The following PDXDC1 variants were observed in gnomAD, a reference collection of about 807,000 sequenced individuals.
The protein encoded by PDXDC1 is pyridoxal-dependent decarboxylase domain-containing protein 1.
PDXDC1 carries 42 observed loss-of-function variants against 100.1 expected under a neutral mutation model. That is an observed-to-expected ratio of 0.42 (90% CI 0.33 to 0.54). PDXDC1 has a LOEUF of 0.54. PDXDC1 is among the 20% of genes least tolerant of loss of function. The probability of loss-of-function intolerance (pLI) is 0.10; values close to 1 mark genes in which losing one functional copy is unlikely to be tolerated. For synonymous variants in PDXDC1, 260 were observed against 371.7 expected (o/e 0.70, Z 3.46); for missense variants, 636 against 979.2 (o/e 0.65, Z 4.68).
In PDXDC1 at chr16:15,033,380, A is replaced by T; in HGVS notation, c.1793A>T (p.Glu598Val). ...LVETIAATAR[E>V]IEENSRLLEN... ...GAGACCATTGCGGCCACAGCCCGGG[A>T]GATAGAGGAGAACTCGAGGGTCCGT... Residue 598 changes from glutamate (E) to valine (V), a missense_variant, in exon 19 of 23, where the codon GAG becomes GTG. Glu to Val is a moderately radical substitution (Grantham distance 121, BLOSUM62 -2). Transcript: ENST00000396410. 1 of 1,614,112 alleles carries T rather than the reference A, an allele frequency of 6.2e-7. No homozygotes were observed. The highest frequency in any genetic ancestry group is 8.5e-7 in the Non-Finnish European group (1 of 1,180,002).
intron 16 of PDXDC1, among the ~76,000 whole-genome samples, chr16:15,096,229 C>T (rs1371388253): frequency 6.6e-6 from 1 of 152,028 alleles, no homozygotes; most frequent in Admixed American, 6.6e-5. Context: ...GTGCCTCAGC[C>T]TCCCCAGTAG....
At chr16:15,148,576 G>T in the PDXDC1 span, among the ~76,000 whole-genome samples, 1 of 150,654 alleles carries the variant, frequency 6.6e-6, no homozygotes. Flanking sequence ...AGAGACCGGG[G>T]TCTCACCCTG....
At chr16:14,993,607 G>C (rs1420460112) in intron 1 of PDXDC1, among the ~76,000 whole-genome samples, 1 of 152,298 alleles carries the variant, frequency 6.6e-6, no homozygotes, top group Non-Finnish European at 1.5e-5. Context: ...AAACATACGT[G>C]TGCATGTGTC....
At chr16:15,072,978 A>G (rs1310493405) in intron 16 of PDXDC1, 6 of 1,613,668 alleles carry the variant, frequency 3.7e-6, no homozygotes, top group Non-Finnish European at 5.1e-6. Flanking sequence ...GTAAAACATG[A>G]AAAACTGTAC....
chr16:14,978,935 C>G (rs936281957), intron 1 of PDXDC1, among the ~76,000 whole-genome samples: 2 of 152,286 alleles, frequency 1.3e-5, no homozygotes, highest in African/African-American at 2.4e-5. Flanking sequence ...AGCAGTGTCC[C>G]AGACCTCTGC....
At chr16:15,128,792 G>A (rs2047899426) in intron 16 of PDXDC1, among the ~76,000 whole-genome samples, 1 of 151,566 alleles carries the variant, frequency 6.6e-6, no homozygotes, top group Non-Finnish European at 1.5e-5. Context: ...CCCAGTGACA[G>A]ACCCAGGTGA....
chr16:15,065,242 G>T (rs773491232), intron 16 of PDXDC1: 2 of 1,613,700 alleles, frequency 1.2e-6, no homozygotes, highest in Non-Finnish European at 1.7e-6. Flanking sequence ...AGGGATCAAA[G>T]GGGAAGAAGG....
chr16:15,083,235 C>T (rs188925109), intron 16 of PDXDC1, among the ~76,000 whole-genome samples: 3 of 152,230 alleles, frequency 2.0e-5, no homozygotes, highest in African/African-American at 7.2e-5. Context: ...CTTGTCTCTA[C>T]TAAAAATACA....
intron 16 of PDXDC1, among the ~76,000 whole-genome samples, chr16:15,078,894 C>T (rs527760862): frequency 6.6e-6 from 1 of 150,688 alleles, no homozygotes; most frequent in South Asian, 2.1e-4. Context: ...TCACTGCAAG[C>T]TCCACCTCCC....
intron 16 of PDXDC1, among the ~76,000 whole-genome samples, chr16:15,043,879 C>CA (rs1439908977): frequency 6.6e-6 from 1 of 151,660 alleles, no homozygotes; most frequent in Non-Finnish European, 1.5e-5. Flanking sequence ...ACCCAGGAGG[C>CA]AGAGCTTGCA....
At chr16:15,041,311 G>C (rs2043804920), downstream of PDXDC1, among the ~76,000 whole-genome samples, 2 of 152,084 alleles carry the variant, frequency 1.3e-5, no homozygotes, top group African/African-American at 4.8e-5. Context: ...GAACAAACTG[G>C]CAGCTGCAGA....
rs888205418 is a variant in PDXDC1, at chr16:15,033,410, C to T, written c.1812+11C>T. On this transcript the variant is annotated intron_variant, in intron 19 of 22. Coordinates refer to ENST00000396410, the MANE Select transcript of PDXDC1 (RefSeq NM_015027.4). The stretch of plus-strand genomic sequence containing the variant: ...GAGGAGAACTCGAGGGTCCGTAGCA[C>T]CCATCAGTGTTCATTCCTCTTCTGA... The T allele has an allele frequency of 1.2e-6, 2 of 1,613,446 alleles. No homozygotes were observed. Among genetic ancestry groups the T allele is most frequent in the African/African-American group, 2.7e-5 (2 of 74,924 alleles).
chr16:15,065,618 T>C (rs187411167), intron 16 of PDXDC1, among the ~76,000 whole-genome samples: 2 of 152,346 alleles, frequency 1.3e-5, no homozygotes, highest in African/African-American at 4.8e-5. Flanking sequence ...ACTGGGCTTA[T>C]ATTTTAATGA....
intron 16 of PDXDC1, chr16:15,131,617 T>C (rs1462308785): frequency 3.7e-6 from 6 of 1,600,662 alleles, no homozygotes; most frequent in Non-Finnish European, 5.1e-6. Flanking sequence ...GTTGTAGGCC[T>C]GGGACGCCAC....
At chr16:15,096,535 C>T (rs533010417) in intron 16 of PDXDC1, among the ~76,000 whole-genome samples, 21 of 152,314 alleles carry the variant, frequency 1.4e-4, no homozygotes, top group African/African-American at 5.1e-4. Context: ...TCATCTGTGT[C>T]TCAAGGACAG....
intron 3 of PDXDC1, among the ~76,000 whole-genome samples, chr16:14,999,936 T>C (rs1420029301): frequency 6.6e-6 from 1 of 152,222 alleles, no homozygotes; most frequent in Non-Finnish European, 1.5e-5. Flanking sequence ...GACTTGAATA[T>C]AAATTGAACC....
intron 1 of PDXDC1, chr16:14,975,695 C>T: frequency 1.0e-6 from 1 of 983,284 alleles, no homozygotes; most frequent in African/African-American, 1.7e-5. Flanking sequence ...TTTCCAACTT[C>T]AGCCTGAGTG....
In PDXDC1 at chr16:15,133,339, G is replaced by A. The variant is rs921443201; in HGVS notation, c.1400-5540G>A. 39 of 1,238,046 alleles carry A rather than the reference G, an allele frequency of 3.2e-5. 1 individual carries two copies. Among genetic ancestry groups the A allele is most frequent in the African/African-American group, 8.9e-5 (6 of 67,412 alleles). The allele number at this position is 1,238,046 out of a possible 1,614,324, so 76.7% of individuals were successfully genotyped here. ...GATCGGCCTGCCGCAGCAGCCCCGGGAGCACACTAGCGGTGAGCCCGTGCA... is the reference window on the plus strand; with the variant it reads ...GATCGGCCTGCCGCAGCAGCCCCGGAAGCACACTAGCGGTGAGCCCGTGCA... On this transcript the variant is annotated intron_variant, in intron 16 of 16. Transcript: ENST00000535621.
At chr16:15,110,162 G>A (rs866959761) in intron 16 of PDXDC1, among the ~76,000 whole-genome samples, 7 of 145,872 alleles carry the variant, frequency 4.8e-5, no homozygotes, top group Admixed American at 2.1e-4. Context: ...AAAAAAAAAA[G>A]AGAGAGAGAG....
Sources: gnomAD v4.1 joint callset for allele counts (sites outside exome capture counted in the v4.1 genomes callset) on GRCh38, gnomAD v4.1.1 for gene constraint, MANE v1.5 for transcripts, NCBI Gene and HGNC (gene_info 2026-07-23, HGNC 2026-07-21) for gene names.